Variants in NAA30 observed in about 807,000 individuals in gnomAD.
NAA30 encodes the protein N-alpha-acetyltransferase 30.
In NAA30, 5 loss-of-function variants were observed where a neutral mutation model predicts 31.4. The ratio of observed to expected loss-of-function variants is 0.16; its 90% confidence interval spans 0.08 to 0.33. NAA30 has a LOEUF of 0.33. Among genes scored for constraint, NAA30 ranks in the 10% least tolerant of loss-of-function variants. The pLI, the probability that NAA30 is intolerant of heterozygous loss-of-function variation, is 1.00. For missense variants in NAA30, 428 were observed against 490.8 expected (o/e 0.87, Z 1.21); for synonymous variants, 222 against 207.1 (o/e 1.07, Z -0.62).
chr14:57,399,714 C>G (rs2066466163), intron 3 of NAA30, 114 bp from the exon 4 acceptor site: 2 of 702,830 alleles, frequency 2.8e-6, no homozygotes, highest in Non-Finnish European at 4.9e-6. Context: ...ATCCGTGTAT[C>G]TGGATTCAAG....
intron 4 of NAA30, among the ~76,000 whole-genome samples, chr14:57,404,742 C>G (rs2066491222): frequency 6.6e-6 from 1 of 152,102 alleles, no homozygotes; most frequent in African/African-American, 2.4e-5. Context: ...TGGATGGTGG[C>G]AGGCAAAGAG....
chr14:57,390,895 C>T (rs1940332010), intron 1 of NAA30, 62 bp from the exon 2 acceptor site: 8 of 1,443,950 alleles, frequency 5.5e-6, no homozygotes, highest in South Asian at 1.6e-5. Flanking sequence ...CCGTCGCCCC[C>T]TGTTCTCCGC....
At position 57,402,668 on chromosome 14, in the gene NAA30, C is replaced by T. The variant is rs1052183283; in HGVS notation, c.951+2785C>T. Among the ~76,000 whole-genome samples the T allele has an allele frequency of 5.3e-5, 8 of 152,220 alleles. No individual in the cohort carries two copies. The East Asian group carries it at 5.8e-4, about 11-fold the overall frequency. On this transcript the variant is annotated intron_variant, in intron 4 of 4. Coordinates refer to ENST00000556492, the MANE Select transcript of NAA30 (RefSeq NM_001011713.3). ...AAATGATAAATCTCCAAAAATACAG[C>T]GATTAATGAAAAGGCAAATAAACAT...
In NAA30 at chr14:57,391,020, G is replaced by A; in HGVS notation, c.63G>A (p.Ala21=). 1.3e-6 allele frequency: 2 copies of A among 1,496,318 alleles called. No individual in the cohort carries two copies. Among genetic ancestry groups the A allele is most frequent in the African/African-American group, 1.5e-5 (1 of 68,340 alleles). The allele number at this position is 1,496,318 out of a possible 1,614,324, so 92.7% of individuals were successfully genotyped here. A position where few individuals can be genotyped will look rare whatever the true frequency, so the allele number is the denominator to read the frequency against. The change falls in exon 2 of 5, where the codon GCG becomes GCA. Residue 21 remains alanine (A), a synonymous_variant. Coordinates refer to ENST00000556492, the MANE Select transcript of NAA30 (RefSeq NM_001011713.3). The surrounding 1 kb of genome is among the most constrained non-coding windows in gnomAD (Gnocchi z 4.1). The part of the protein sequence containing the change: ...LLPPPAPPAP[A]AVEPRCPFPA... ...CACCACCAGCACCTCCGGCCCCGGC[G>A]GCGGTCGAGCCCCGCTGTCCCTTCC...
At position 57,391,065 on chromosome 14, in the gene NAA30, C is replaced by T. The variant is rs988357823; in HGVS notation, c.108C>T (p.Ala36=). 1.3e-6 allele frequency: 2 copies of T among 1,528,912 alleles called. No individual in the cohort carries two copies. The highest frequency in any genetic ancestry group is 1.7e-6 in the Non-Finnish European group (2 of 1,144,108). The allele number at this position is 1,528,912 out of a possible 1,614,324, so 94.7% of individuals were successfully genotyped here. The stretch of plus-strand genomic sequence containing the variant: ...CCTTCCCGGCGGGGGCCGCCCTCGC[C>T]TGCTGCAGCGAGGACGAGGAGGACG... ...RCPFPAGAAL[A]CCSEDEEDDE... is the part of the protein sequence containing the mutation. The change falls in exon 2 of 5, where the codon GCC becomes GCT. Residue 36 remains alanine (A), a synonymous_variant. Coordinates refer to ENST00000556492, the MANE Select transcript of NAA30 (RefSeq NM_001011713.3). The surrounding 1 kb of genome is among the most constrained non-coding windows in gnomAD (Gnocchi z 4.1).
chr14:57,393,493 C>A (rs60509583), intron 2 of NAA30, among the ~76,000 whole-genome samples: 8 of 151,960 alleles, frequency 5.3e-5, no homozygotes, highest in Non-Finnish European at 1.0e-4. Flanking sequence ...AAAACTGAAG[C>A]CTTTATCTTG....
chr14:57,391,026 C>G lies in NAA30; in HGVS notation c.69C>G (p.Val23=). The part of the protein sequence containing the change: ...PPPAPPAPAA[V]EPRCPFPAGA... ...CAGCACCTCCGGCCCCGGCGGCGGT[C>G]GAGCCCCGCTGTCCCTTCCCGGCGG... Residue 23 remains valine (V), a synonymous_variant, in exon 2 of 5, where the codon GTC becomes GTG. Coordinates refer to ENST00000556492, the MANE Select transcript of NAA30 (RefSeq NM_001011713.3). This position sits in a 1 kb window ranked among gnomAD's most constrained non-coding sequence, Gnocchi z 4.1. 6.7e-7 allele frequency: 1 copy of G among 1,499,722 alleles called. No individual in the cohort carries two copies. The highest frequency in any genetic ancestry group is 1.5e-5 in the African/African-American group (1 of 68,652). The allele number at this position is 1,499,722 out of a possible 1,614,324, so 92.9% of individuals were successfully genotyped here. A position where few individuals can be genotyped will look rare whatever the true frequency, so the allele number is the denominator to read the frequency against.
rs1211702033 is a variant in NAA30, at chr14:57,391,302, A to G, written c.345A>G (p.Thr115=). ...VLSVAEVAAT[T]ATPDGGPRAT... The stretch of plus-strand genomic sequence containing the variant: ...GCGTAGCAGAGGTGGCCGCGACCAC[A>G]GCCACCCCTGACGGAGGCCCCAGAG... Residue 115 remains threonine (T), a synonymous_variant, in exon 2 of 5, where the codon ACA becomes ACG. Transcript: ENST00000556492. This position sits in a 1 kb window ranked among gnomAD's most constrained non-coding sequence, Gnocchi z 4.1. 1.2e-6 allele frequency: 2 copies of G among 1,610,748 alleles called. No homozygotes were observed. Among genetic ancestry groups the G allele is most frequent in the African/African-American group, 1.3e-5 (1 of 75,016 alleles).
Position 57,391,783 on chromosome 14 carries a change from G to A in NAA30, c.771+55G>A, listed in dbSNP as rs1489594704. On this transcript the variant is annotated intron_variant, in intron 2 of 4. Coordinates refer to ENST00000556492, the MANE Select transcript of NAA30 (RefSeq NM_001011713.3). This position sits in a 1 kb window ranked among gnomAD's most constrained non-coding sequence, Gnocchi z 4.1. ...CCCAGCAGTGATCGAGACTGTGCGG[G>A]GCAGGGAGTGAGGGCCCAGAATGTG... The A allele has an allele frequency of 6.9e-7, 1 of 1,445,670 alleles. No homozygotes were observed. The highest frequency in any genetic ancestry group is 1.4e-5 in the African/African-American group (1 of 70,642). 89.6% of individuals were successfully genotyped at this position (1,445,670 alleles called of 1,614,324 possible).
At position 57,391,011 on chromosome 14, in the gene NAA30, G is replaced by A. The variant is rs757029590; in HGVS notation, c.54G>A (p.Pro18=). The A allele has an allele frequency of 2.0e-6, 3 of 1,496,886 alleles. No individual in the cohort carries two copies. The highest frequency in any genetic ancestry group is 4.9e-5 in the East Asian group (2 of 40,518). The allele number at this position is 1,496,886 out of a possible 1,614,324, so 92.7% of individuals were successfully genotyped here. Residue 18 remains proline, a synonymous_variant, in exon 2 of 5, where the codon CCG becomes CCA. Coordinates refer to ENST00000556492, the MANE Select transcript of NAA30 (RefSeq NM_001011713.3). The surrounding 1 kb of genome is among the most constrained non-coding windows in gnomAD (Gnocchi z 4.1). ...PSSLLPPPAP[P]APAAVEPRCP... ...GCCTCCTCCCACCACCAGCACCTCC[G>A]GCCCCGGCGGCGGTCGAGCCCCGCT...
chr14:57,399,735 G>A (rs2066466268), intron 3 of NAA30, 93 bp from the exon 4 acceptor site: 2 of 763,962 alleles, frequency 2.6e-6, no homozygotes, highest in African/African-American at 1.8e-5. Flanking sequence ...ATAGAAACTA[G>A]CATTTGACAT....
chr14:57,407,293 A>G (rs570390785), intron 4 of NAA30, among the ~76,000 whole-genome samples: 1 of 152,166 alleles, frequency 6.6e-6, no homozygotes, highest in South Asian at 2.1e-4. Context: ...TGTTTTCTTG[A>G]TCCTGAACTG....
chr14:57,405,278 A>G (rs2066493815), intron 4 of NAA30, among the ~76,000 whole-genome samples: 2 of 152,142 alleles, frequency 1.3e-5, no homozygotes, highest in South Asian at 4.1e-4. Flanking sequence ...TTTTGAAATA[A>G]CTTATACTTT....
Position 57,391,351 on chromosome 14 carries a change from G to A in NAA30, c.394G>A (p.Val132Ile), listed in dbSNP as rs745708883. The A allele has an allele frequency of 3.1e-6, 5 of 1,611,926 alleles. No homozygotes were observed. The African/African-American group carries it at 4.0e-5, about 13-fold the overall frequency. Residue 132 changes from valine to isoleucine, a missense_variant, in exon 2 of 5, where the codon GTA becomes ATA. Val to Ile is a conservative substitution (Grantham distance 29). Transcript: ENST00000556492. The surrounding 1 kb of genome is among the most constrained non-coding windows in gnomAD (Gnocchi z 4.1). ...PRATATKGAGVHSGERPPHSL... is the reference protein window; with the variant it reads ...PRATATKGAGIHSGERPPHSL... ...AGCGACTGCAACAAAAGGAGCCGGG[G>A]TACACTCGGGCGAGAGGCCCCCTCA...
rs1408493012 is a variant in NAA30, at chr14:57,411,255, A to G, written c.*1739A>G. On this transcript the variant is annotated 3_prime_UTR_variant, in exon 5 of 5. Coordinates refer to ENST00000556492, the MANE Select transcript of NAA30 (RefSeq NM_001011713.3). ...TTTTTATATTGCTCTTGAAAGTTTA[A>G]TGAGCAGAATACAATACTGGTTATA... 1.3e-5 allele frequency: 2 copies of G among 152,090 alleles called. No individual in the cohort carries two copies. The highest frequency in any genetic ancestry group is 2.9e-5 in the Non-Finnish European group (2 of 67,956). The allele number at this position is 152,090 out of a possible 1,614,324, so 9.4% of individuals were successfully genotyped here.
chr14:57,403,213 C>G (rs1352687459), intron 4 of NAA30, among the ~76,000 whole-genome samples: 1 of 149,026 alleles, frequency 6.7e-6, no homozygotes, highest in Non-Finnish European at 1.5e-5. Flanking sequence ...CTCCGTGAAA[C>G]CTTACTGTGC....
Position 57,414,493 on chromosome 14 carries a change from A to G in NAA30, c.*4977A>G, listed in dbSNP as rs2066538549. The G allele has an allele frequency of 6.6e-6, 1 of 152,204 alleles. No individual in the cohort carries two copies. The highest frequency in any genetic ancestry group is 1.9e-4 in the East Asian group (1 of 5,198). 9.4% of individuals were successfully genotyped at this position (152,204 alleles called of 1,614,324 possible). A position where few individuals can be genotyped will look rare whatever the true frequency, so the allele number is the denominator to read the frequency against. ...CTTTTTAGCCTTAAAATATTTGTAT[A>G]GTTGGCTCTAATAATTTCTCATTTT... On this transcript the variant is annotated 3_prime_UTR_variant, in exon 5 of 5. Transcript: ENST00000556492.
At chr14:57,405,881 G>A (rs753617827) in intron 4 of NAA30, among the ~76,000 whole-genome samples, 1 of 152,116 alleles carries the variant, frequency 6.6e-6, no homozygotes, top group Non-Finnish European at 1.5e-5. Flanking sequence ...GGCTTATCCT[G>A]ATAATGATCT....
chr14:57,415,418 CA>C lies in NAA30; in HGVS notation c.*5907del, dbSNP rs2066542970. The C allele has an allele frequency of 6.6e-6, 1 of 152,048 alleles. No homozygotes were observed. The highest frequency in any genetic ancestry group is 6.6e-5 in the Admixed American group (1 of 15,250). 9.4% of individuals were successfully genotyped at this position (152,048 alleles called of 1,614,324 possible). ...TTAAAAGCCAGCAGGTTGCACAAAC[CA>C]AAAACAAAATATTTTGCCCCTTAAA... On this transcript the variant is annotated 3_prime_UTR_variant, in exon 5 of 5. Coordinates refer to ENST00000556492, the MANE Select transcript of NAA30 (RefSeq NM_001011713.3).
Sources: gnomAD v4.1 joint callset for allele counts (sites outside exome capture counted in the v4.1 genomes callset) on GRCh38, gnomAD v4.1.1 for gene constraint, Gnocchi (gnomAD v3.1) non-coding constraint, MANE v1.5 for transcripts, NCBI Gene and HGNC (gene_info 2026-07-23, HGNC 2026-07-21) for gene names.